The following PTPRD variants were observed in gnomAD, a reference collection of about 807,000 sequenced individuals.
PTPRD encodes receptor-type tyrosine-protein phosphatase delta.
Under a neutral mutation model 214.5 loss-of-function variants are expected in PTPRD, and 34 were observed. That is an observed-to-expected ratio of 0.16 (90% CI 0.12 to 0.21). The LOEUF is 0.21. Among genes scored for constraint, PTPRD ranks in the 10% least tolerant of loss-of-function variants. The pLI is 1.00. For missense variants in PTPRD, 2,545 were observed against 2,398.7 expected (o/e 1.06, Z -1.27); for synonymous variants, 1,128 against 845.7 (o/e 1.33, Z -5.79).
chr9:9,216,641 C>T (rs2099952449), intron 9 of PTPRD, among the ~76,000 whole-genome samples: 2 of 152,214 alleles, frequency 1.3e-5, no homozygotes, highest in South Asian at 2.1e-4. Flanking sequence ...TGTAGGTGTT[C>T]TTATAAGTCT....
chr9:8,744,564 G>T (rs1201079328), intron 11 of PTPRD, among the ~76,000 whole-genome samples: 1 of 152,200 alleles, frequency 6.6e-6, no homozygotes, highest in Non-Finnish European at 1.5e-5. Context: ...ACCAAACATT[G>T]CATGTTCTCC....
intron 2 of PTPRD, among the ~76,000 whole-genome samples, chr9:10,556,655 T>G (rs1005763379): frequency 6.6e-6 from 1 of 152,084 alleles, no homozygotes; most frequent in Non-Finnish European, 1.5e-5. Flanking sequence ...AAGTATTTTG[T>G]TGACAATTAT....
Position 9,935,406 on chromosome 9 carries a change from A to G in PTPRD, c.-368+3101T>C, listed in dbSNP as rs543000422. Among the ~76,000 whole-genome samples, 310 of 152,242 alleles carry G rather than the reference A, an allele frequency of 2.0e-3. 2 individuals are homozygous for G. The highest frequency in any genetic ancestry group is 7.2e-3 in the African/African-American group (299 of 41,514). On this transcript the variant is annotated intron_variant, in intron 5 of 45. Transcript: ENST00000381196. ...CAGGATACAAAATCAATGTACAAAA[A>G]TCACAAGCATTCTTATACACCAACA...
chr9:8,528,167 T>C (rs1171635390), intron 15 of PTPRD: 1 of 370,590 alleles, frequency 2.7e-6, no homozygotes, highest in African/African-American at 2.1e-5. Context: ...GGGTTTAATA[T>C]GAACATTTTA....
intron 4 of PTPRD, among the ~76,000 whole-genome samples, chr9:9,940,341 T>A (rs946582270): frequency 1.3e-5 from 2 of 152,120 alleles, no homozygotes; most frequent in Admixed American, 6.5e-5. Context: ...GGGACAAACC[T>A]CACTGGAAGC....
chr9:9,643,270 T>A (rs1465127215), intron 7 of PTPRD, among the ~76,000 whole-genome samples: 1 of 152,146 alleles, frequency 6.6e-6, no homozygotes, highest in African/African-American at 2.4e-5. Flanking sequence ...TAATAGAATC[T>A]TGATGACAAA....
At chr9:9,845,796 G>A (rs1186633573) in intron 5 of PTPRD, among the ~76,000 whole-genome samples, 1 of 151,992 alleles carries the variant, frequency 6.6e-6, no homozygotes, top group Non-Finnish European at 1.5e-5. Context: ...TAATTTTATG[G>A]ACTCAGTATG....
chr9:9,867,175 G>A (rs76795218), intron 5 of PTPRD, among the ~76,000 whole-genome samples: 4 of 152,052 alleles, frequency 2.6e-5, no homozygotes, highest in Admixed American at 6.5e-5. Context: ...AACTGGTAAG[G>A]ATTAAGGATT....
chr9:10,467,095 C>G lies in PTPRD; in HGVS notation c.-599-126078G>C, dbSNP rs182032548. 2.6e-5 allele frequency among the ~76,000 whole-genome samples: 4 copies of G among 152,226 alleles called. No homozygotes were observed. In the East Asian group the frequency reaches 7.7e-4, roughly 29 times the overall value. ...ACTACCCTCACTCAGAAGACATTGC[C>G]AGTTGTTTTGAAGTGTGCTATGACC... is the stretch of plus-strand genomic sequence containing the variant. On this transcript the variant is annotated intron_variant, in intron 2 of 45. Transcript: ENST00000381196.
intron 9 of PTPRD, among the ~76,000 whole-genome samples, chr9:9,242,772 T>C (rs2099971014): frequency 6.6e-6 from 1 of 152,108 alleles, no homozygotes; most frequent in Admixed American, 6.6e-5. Context: ...TTAACTTCTT[T>C]CCGATGGTTT....
intron 2 of PTPRD, among the ~76,000 whole-genome samples, chr9:10,518,067 G>T (rs1487403367): frequency 6.6e-6 from 1 of 152,268 alleles, no homozygotes; most frequent in Non-Finnish European, 1.5e-5. Flanking sequence ...TCACATGGGT[G>T]AATGGACTCA....
At chr9:9,342,760 T>C (rs763406274) in intron 9 of PTPRD, among the ~76,000 whole-genome samples, 79 of 152,072 alleles carry the variant, frequency 5.2e-4, no homozygotes, top group Admixed American at 9.8e-4. Context: ...GTGCAGAACA[T>C]GCAGGTTTGA....
At chr9:9,195,964 T>C (rs1381187594) in intron 9 of PTPRD, among the ~76,000 whole-genome samples, 2 of 152,166 alleles carry the variant, frequency 1.3e-5, no homozygotes, top group Admixed American at 1.3e-4. Flanking sequence ...ACTCTTCTTC[T>C]CTTACCTAAA....
intron 10 of PTPRD, among the ~76,000 whole-genome samples, chr9:9,064,706 G>A (rs1389345346): frequency 1.3e-5 from 2 of 152,118 alleles, no homozygotes; most frequent in Admixed American, 6.6e-5. Context: ...AGCAATCTGT[G>A]GTATGAAGTT....
intron 2 of PTPRD, among the ~76,000 whole-genome samples, chr9:10,530,668 G>C (rs1412348650): frequency 6.6e-6 from 1 of 152,082 alleles, no homozygotes; most frequent in East Asian, 1.9e-4. Flanking sequence ...TAATCATAAT[G>C]ATAATAAGAG....
At chr9:8,638,236 G>A (rs1281791322) in intron 12 of PTPRD, among the ~76,000 whole-genome samples, 21 of 150,754 alleles carry the variant, frequency 1.4e-4, no homozygotes. Flanking sequence ...AACAATCCTT[G>A]GATTATAAAA....
At chr9:9,871,587 G>A (rs1565907438) in intron 5 of PTPRD, among the ~76,000 whole-genome samples, 1 of 151,498 alleles carries the variant, frequency 6.6e-6, no homozygotes, top group Non-Finnish European at 1.5e-5. Context: ...ATTATCTTCT[G>A]GAAAGGGGCC....
chr9:9,759,841 G>A (rs2098635641), intron 6 of PTPRD, among the ~76,000 whole-genome samples: 1 of 152,072 alleles, frequency 6.6e-6, no homozygotes, highest in African/African-American at 2.4e-5. Context: ...ACAGGCATGG[G>A]CCACTGTGCC....
At chr9:8,572,144 G>T (rs915323459) in intron 14 of PTPRD, among the ~76,000 whole-genome samples, 1 of 152,100 alleles carries the variant, frequency 6.6e-6, no homozygotes, top group African/African-American at 2.4e-5. Flanking sequence ...TAATAGGCAA[G>T]TTCTGAGTGT....
Sources: allele counts gnomAD v4.1 joint callset (sites outside exome capture counted in the v4.1 genomes callset), GRCh38; gene constraint gnomAD v4.1.1; transcripts MANE v1.5; gene names NCBI Gene and HGNC (gene_info 2026-07-23, HGNC 2026-07-21).